The following SND1 variants were observed in gnomAD, a reference collection of about 807,000 sequenced individuals.
The protein encoded by SND1 is staphylococcal nuclease domain-containing protein 1.
In SND1, 38 loss-of-function variants were observed where a neutral mutation model predicts 121.7. The observed-to-expected ratio is 0.31, with a 90% CI of 0.24 to 0.41. The LOEUF is 0.41. Ranked by LOEUF, SND1 falls within the 10% of genes least tolerant of loss-of-function variation. SND1 has a pLI of 1.00. For synonymous variants in SND1, 401 were observed against 447.4 expected, an observed-to-expected ratio of 0.90 and a Z score of 1.31; for missense variants, 868 against 1,184.6, an observed-to-expected ratio of 0.73 and a Z score of 3.92.
rs36059610 is a variant in SND1 at position 127,764,176 on chromosome 7, T to C, written c.1152+42776T>C. ...CAATTTTTTATGGGATAGTATGTAA[T>C]TCTAAACTGAATATTAGCGATTTCA... On this transcript the variant is annotated intron_variant, in intron 10 of 23. Coordinates refer to ENST00000354725, the MANE Select transcript of SND1 (RefSeq NM_014390.4). Among the ~76,000 whole-genome samples, 353 of 152,330 alleles carry C rather than the reference T, an allele frequency of 2.3e-3. 1 individual carries two copies. The highest frequency in any genetic ancestry group is 3.4e-3 in the Middle Eastern group (1 of 292).
chr7:127,726,567 C>T (rs1003278012), intron 10 of SND1, among the ~76,000 whole-genome samples: 1 of 152,184 alleles, frequency 6.6e-6, no homozygotes, highest in African/African-American at 2.4e-5. Flanking sequence ...GGAGATAACA[C>T]ATTTTGCGAT....
At chr7:127,688,953 G>A (rs1029064410) in intron 2 of SND1, among the ~76,000 whole-genome samples, 5 of 152,104 alleles carry the variant, frequency 3.3e-5, no homozygotes, top group Admixed American at 6.5e-5. Flanking sequence ...TAAGAAGTTA[G>A]TGAAGCAATG....
At chr7:128,044,632 C>A (rs56025008) in intron 16 of SND1, among the ~76,000 whole-genome samples, 10 of 121,528 alleles carry the variant, frequency 8.2e-5, no homozygotes, top group Admixed American at 2.6e-4. Context: ...TCTCCCCCCC[C>A]ACCCCCGCCA....
chr7:127,754,268 C>T (rs1279208179), intron 10 of SND1, among the ~76,000 whole-genome samples: 1 of 152,092 alleles, frequency 6.6e-6, no homozygotes, highest in Admixed American at 6.6e-5. Flanking sequence ...TTAAAGTGGG[C>T]CATCATGCTT....
intron 16 of SND1, among the ~76,000 whole-genome samples, chr7:128,059,082 T>A (rs770060732): frequency 1.3e-4 from 20 of 152,194 alleles, no homozygotes; most frequent in Non-Finnish European, 2.5e-4. Flanking sequence ...CGTTCCTTCT[T>A]CTACCCTGCC....
At chr7:127,811,448 G>C (rs1298851854) in intron 11 of SND1, among the ~76,000 whole-genome samples, 1 of 152,132 alleles carries the variant, frequency 6.6e-6, no homozygotes, top group Non-Finnish European at 1.5e-5. Flanking sequence ...CCGGTGTTAT[G>C]GGAGTTACCC....
At chr7:127,683,067 C>A (rs972090) in intron 1 of SND1, among the ~76,000 whole-genome samples, 2 of 151,818 alleles carry the variant, frequency 1.3e-5, no homozygotes, top group African/African-American at 2.4e-5. Flanking sequence ...TATTTGGTGG[C>A]GACTGTTAGC....
At chr7:127,794,581 G>A (rs551743010) in intron 10 of SND1, among the ~76,000 whole-genome samples, 3 of 152,316 alleles carry the variant, frequency 2.0e-5, no homozygotes, top group Admixed American at 6.5e-5. Context: ...GGGCTCACCC[G>A]CTCCTTCTGT....
At chr7:127,918,277 G>C (rs1800629149) in intron 14 of SND1, among the ~76,000 whole-genome samples, 1 of 151,748 alleles carries the variant, frequency 6.6e-6, no homozygotes, top group Admixed American at 6.6e-5. Flanking sequence ...TGTTGGCCAG[G>C]CTGGTCTCGA....
At chr7:127,899,481 A>G (rs1440478292) in intron 13 of SND1, among the ~76,000 whole-genome samples, 1 of 152,150 alleles carries the variant, frequency 6.6e-6, no homozygotes, top group African/African-American at 2.4e-5. Context: ...GGACACACAT[A>G]ATTAATTACT....
chr7:127,985,673 C>T (rs1474667345), intron 15 of SND1, among the ~76,000 whole-genome samples: 3 of 152,250 alleles, frequency 2.0e-5, no homozygotes, highest in Non-Finnish European at 4.4e-5. Context: ...TAACTAACTT[C>T]ATGAGCACAA....
chr7:127,662,692 A>G (rs888434991), intron 1 of SND1, among the ~76,000 whole-genome samples: 1 of 152,018 alleles, frequency 6.6e-6, no homozygotes, highest in Non-Finnish European at 1.5e-5. Flanking sequence ...TTATTTCCCC[A>G]ATAAGACTAT....
chr7:127,781,729 C>T (rs1205741853), intron 10 of SND1, among the ~76,000 whole-genome samples: 6 of 152,230 alleles, frequency 3.9e-5, no homozygotes, highest in Admixed American at 2.6e-4. Context: ...TTTGATAGAG[C>T]TTTTCCTTCT....
intron 10 of SND1, among the ~76,000 whole-genome samples, chr7:127,766,771 CA>C (rs59243807): frequency 0.19 from 6,013 of 32,190 alleles, 11 homozygotes; most frequent in Middle Eastern, 0.29. Flanking sequence ...GACTTTGTCT[CA>C]AAAAAAAAAA....
At chr7:127,807,100 G>A (rs1584587352) in intron 10 of SND1, among the ~76,000 whole-genome samples, 1 of 152,318 alleles carries the variant, frequency 6.6e-6, no homozygotes, top group East Asian at 1.9e-4. Flanking sequence ...CTAACAGTTG[G>A]TAGGTGCTCA....
At chr7:127,734,956 G>A (rs1245148751) in intron 10 of SND1, among the ~76,000 whole-genome samples, 1 of 152,192 alleles carries the variant, frequency 6.6e-6, no homozygotes, top group African/African-American at 2.4e-5. Flanking sequence ...GATGGGCCAA[G>A]GGCATTCTTT....
At chr7:127,782,949 A>G (rs1375196547) in intron 10 of SND1, among the ~76,000 whole-genome samples, 1 of 152,230 alleles carries the variant, frequency 6.6e-6, no homozygotes, top group African/African-American at 2.4e-5. Flanking sequence ...AAGTAGACCT[A>G]TTGCAACACC....
intron 16 of SND1, among the ~76,000 whole-genome samples, chr7:128,031,311 CCG>C (rs931450464): frequency 1.2e-4 from 18 of 151,522 alleles, no homozygotes; most frequent in African/African-American, 2.9e-4. Flanking sequence ...CGGCCCCGGC[CCG>C]CTCTGCGGGC....
intron 14 of SND1, among the ~76,000 whole-genome samples, chr7:127,922,946 C>T (rs1375614662): frequency 1.3e-5 from 2 of 152,186 alleles, no homozygotes; most frequent in Non-Finnish European, 2.9e-5. Context: ...GCTTTACCAA[C>T]CAAGTAAACA....
Sources: gnomAD v4.1 joint callset for allele counts (sites outside exome capture counted in the v4.1 genomes callset) on GRCh38, gnomAD v4.1.1 for gene constraint, MANE v1.5 for transcripts, NCBI Gene and HGNC (gene_info 2026-07-23, HGNC 2026-07-21) for gene names.